The following GALNT10 variants were observed in gnomAD, a reference collection of about 807,000 sequenced individuals.
GALNT10 encodes the protein polypeptide N-acetylgalactosaminyltransferase 10.
Under a neutral mutation model 75.0 loss-of-function variants are expected in GALNT10, and 41 were observed. The observed-to-expected ratio is 0.55, with a 90% CI of 0.43 to 0.71. The LOEUF is 0.71. Among genes scored for constraint, GALNT10 ranks in the 30% least tolerant of loss-of-function variants. The probability of loss-of-function intolerance (pLI) is 0.00; values close to 1 mark genes in which losing one functional copy is unlikely to be tolerated. For missense variants in GALNT10, 727 were observed against 818.5 expected, an observed-to-expected ratio of 0.89 and a Z score of 1.36; for synonymous variants, 302 against 313.0, an observed-to-expected ratio of 0.96 and a Z score of 0.37.
In GALNT10 at chr5:154,193,467, A is replaced by G. The variant is rs138894332; in HGVS notation, c.159+2442A>G. Among the ~76,000 whole-genome samples, 476 of 152,362 alleles carry G rather than the reference A, an allele frequency of 3.1e-3. 6 individuals are homozygous for G. Among genetic ancestry groups the G allele is most frequent in the African/African-American group, 0.011 (452 of 41,588 alleles). On this transcript the variant is annotated intron_variant, in intron 1 of 11. Transcript: ENST00000297107. Reference sequence around the variant, plus strand: ...ATCCCTCATCCCAGTGTACTGGAACATACATGTAACATGCCAGGCTGCTAT... The same window carrying G: ...ATCCCTCATCCCAGTGTACTGGAACGTACATGTAACATGCCAGGCTGCTAT...
intron 7 of GALNT10, among the ~76,000 whole-genome samples, chr5:154,401,745 T>C (rs1756169353): frequency 1.3e-5 from 2 of 151,990 alleles, no homozygotes. Flanking sequence ...CAGCAGGAAG[T>C]AGTGGGGGAC....
rs567583325 is a variant in GALNT10 at position 154,353,128 on chromosome 5, C to T, written c.569-23149C>T. On this transcript the variant is annotated intron_variant, in intron 4 of 11. Transcript: ENST00000297107. ...CTCCACACGGATTGCTGTGTCAGGA[C>T]CTTGGTTTTTGCTGAAAACTTTTGT... Among the ~76,000 whole-genome samples the T allele has an allele frequency of 2.6e-5, 4 of 152,194 alleles. No individual in the cohort carries two copies. In the South Asian group the frequency reaches 8.3e-4, roughly 32 times the overall value.
chr5:154,319,429 A>T (rs1424333378), intron 3 of GALNT10, among the ~76,000 whole-genome samples: 2 of 152,172 alleles, frequency 1.3e-5, no homozygotes, highest in Non-Finnish European at 2.9e-5. Flanking sequence ...TGAAATTTTT[A>T]AAAAATATTA....
At chr5:154,410,387 A>G (rs1166182156) in intron 9 of GALNT10, among the ~76,000 whole-genome samples, 8 of 151,774 alleles carry the variant, frequency 5.3e-5, no homozygotes, top group Non-Finnish European at 8.8e-5. Flanking sequence ...CAAAAAAAAA[A>G]AAAAAAAAGA....
intron 1 of GALNT10, among the ~76,000 whole-genome samples, chr5:154,294,605 G>A (rs1357982838): frequency 6.6e-6 from 1 of 152,142 alleles, no homozygotes; most frequent in Non-Finnish European, 1.5e-5. Context: ...TTCCTGAAAG[G>A]TAGACGCTGC....
At chr5:154,336,333 T>A (rs1754945451) in intron 4 of GALNT10, among the ~76,000 whole-genome samples, 1 of 152,212 alleles carries the variant, frequency 6.6e-6, no homozygotes, top group African/African-American at 2.4e-5. Flanking sequence ...AATTTTCAGC[T>A]CACTTAGGTA....
intron 1 of GALNT10, among the ~76,000 whole-genome samples, chr5:154,192,163 A>C (rs1774868983): frequency 6.6e-6 from 1 of 152,140 alleles, no homozygotes; most frequent in South Asian, 2.1e-4. Context: ...TCTGAGATTG[A>C]TGGTTTTCCT....
chr5:154,361,422 G>A (rs1755384340), intron 4 of GALNT10, among the ~76,000 whole-genome samples: 1 of 152,218 alleles, frequency 6.6e-6, no homozygotes, highest in Non-Finnish European at 1.5e-5. Flanking sequence ...CATTAAGGGA[G>A]ATAATACATG....
chr5:154,338,339 A>C, intron 4 of GALNT10: 2 of 499,486 alleles, frequency 4.0e-6, no homozygotes, highest in Non-Finnish European at 3.7e-6. Flanking sequence ...ATGCTCAAAA[A>C]TTTGAGGCTG....
intron 3 of GALNT10, among the ~76,000 whole-genome samples, chr5:154,319,009 G>A (rs1034231362): frequency 6.6e-6 from 1 of 152,208 alleles, no homozygotes; most frequent in African/African-American, 2.4e-5. Context: ...CAGTACCTTT[G>A]GGGGTCAGAA....
At chr5:154,210,772 T>C (rs1167116464) in intron 1 of GALNT10, among the ~76,000 whole-genome samples, 1 of 152,240 alleles carries the variant, frequency 6.6e-6, no homozygotes, top group Non-Finnish European at 1.5e-5. Flanking sequence ...AAGGACATTA[T>C]TGGAACAACT....
intron 1 of GALNT10, among the ~76,000 whole-genome samples, chr5:154,238,189 G>A (rs1012549333): frequency 6.6e-6 from 1 of 152,010 alleles, no homozygotes; most frequent in Non-Finnish European, 1.5e-5. Flanking sequence ...TCCCACAGGC[G>A]TGGAAAGGAA....
chr5:154,257,564 G>A (rs2113021260), intron 1 of GALNT10, among the ~76,000 whole-genome samples: 1 of 152,208 alleles, frequency 6.6e-6, no homozygotes, highest in South Asian at 2.1e-4. Context: ...AGCTACTGGG[G>A]AGGCTGAGGC....
chr5:154,344,039 C>A (rs890288589), intron 4 of GALNT10, among the ~76,000 whole-genome samples: 1 of 152,266 alleles, frequency 6.6e-6, no homozygotes, highest in African/African-American at 2.4e-5. Context: ...AACTGGATAG[C>A]TAATTCATAT....
intron 1 of GALNT10, among the ~76,000 whole-genome samples, chr5:154,254,514 T>C (rs1218160250): frequency 6.6e-6 from 1 of 151,658 alleles, no homozygotes; most frequent in African/African-American, 2.4e-5. Context: ...TCTTTTCTTT[T>C]TTTTTTTTTT....
intron 3 of GALNT10, among the ~76,000 whole-genome samples, chr5:154,314,133 A>T (rs1025405128): frequency 2.0e-5 from 3 of 152,214 alleles, no homozygotes; most frequent in African/African-American, 7.2e-5. Flanking sequence ...TACCAGGTGC[A>T]TTCACATATG....
chr5:154,358,783 G>T (rs992462365), intron 4 of GALNT10, among the ~76,000 whole-genome samples: 2 of 152,166 alleles, frequency 1.3e-5, no homozygotes, highest in Non-Finnish European at 2.9e-5. Flanking sequence ...GCCAGGGCAG[G>T]AAAGTGACCT....
intron 1 of GALNT10, among the ~76,000 whole-genome samples, chr5:154,284,387 A>G (rs1200713363): frequency 2.0e-5 from 3 of 152,218 alleles, no homozygotes; most frequent in African/African-American, 2.4e-5. Flanking sequence ...AATTATTACT[A>G]TTATTAGAGC....
chr5:154,331,976 G>T (rs562568367), intron 4 of GALNT10, among the ~76,000 whole-genome samples: 1 of 152,064 alleles, frequency 6.6e-6, no homozygotes, highest in Non-Finnish European at 1.5e-5. Flanking sequence ...TAAGTAATTC[G>T]CCCAGAATCA....
Sources: allele counts gnomAD v4.1 joint callset (sites outside exome capture counted in the v4.1 genomes callset), GRCh38; gene constraint gnomAD v4.1.1; transcripts MANE v1.5; gene names NCBI Gene and HGNC (gene_info 2026-07-23, HGNC 2026-07-21).